DNAH12: variants seen among roughly 807,000 people sequenced by gnomAD.
DNAH12 encodes the protein axonemal beta dynein heavy chain 12.
A neutral mutation model predicts 371.5 loss-of-function variants in DNAH12; 285 were observed. The observed-to-expected ratio is 0.77, with a 90% CI of 0.70 to 0.85. The LOEUF is 0.85. Ranked by LOEUF, DNAH12 falls within the 40% of genes least tolerant of loss-of-function variation. The pLI is 0.00. For synonymous variants in DNAH12, 1,200 were observed against 1,213.0 expected, an observed-to-expected ratio of 0.99 and a Z score of 0.22; for missense variants, 3,611 against 3,689.4, an observed-to-expected ratio of 0.98 and a Z score of 0.55.
At chr3:57,314,356 G>T in intron 66 of DNAH12, 138 bp downstream of exon 66, 1 of 1,076,648 alleles carries the variant, frequency 9.3e-7, no homozygotes, top group Non-Finnish European at 1.3e-6. Flanking sequence ...TGGAGATAGT[G>T]CTTCATAAGC....
At chr3:57,387,759 C>G (rs1009620146) in intron 45 of DNAH12, among the ~76,000 whole-genome samples, 1 of 152,148 alleles carries the variant, frequency 6.6e-6, no homozygotes, top group Non-Finnish European at 1.5e-5. Flanking sequence ...TTTTGGCCTA[C>G]TTTCATTCTT....
chr3:57,322,357 G>T lies in DNAH12; in HGVS notation c.10510C>A (p.Arg3504Ser). 6.4e-7 allele frequency: 1 copy of T among 1,550,562 alleles called. No homozygotes were observed. The highest frequency in any genetic ancestry group is 2.0e-5 in the Admixed American group (1 of 50,906). The change falls in exon 65 of 74, where the codon CGT (arginine) becomes AGT (serine). Residue 3504 changes from arginine (R) to serine (S), a missense_variant. Physicochemically the swap from Arg to Ser is moderately radical, Grantham distance 110. Coordinates refer to ENST00000495027, the MANE Select transcript of DNAH12 (RefSeq NM_001366028.2). ...ATGAATATTACCAGTTCCTTTCCAC[G>T]GCATCCCTTGAAAAACTCAGGATCA... ...VSDPEFFKGC[R>S]GKELAWEKLL...
chr3:57,403,003 C>T (rs2063916504), intron 43 of DNAH12, among the ~76,000 whole-genome samples: 1 of 152,070 alleles, frequency 6.6e-6, no homozygotes, highest in Non-Finnish European at 1.5e-5. Flanking sequence ...GTGGATAAGA[C>T]TTGAGTTAGA....
chr3:57,472,587 A>T lies in DNAH12; in HGVS notation c.1735T>A (p.Trp579Arg). Residue 579 changes from tryptophan to arginine, a missense_variant, in exon 14 of 74, where the codon TGG (tryptophan) becomes AGG (arginine). By Grantham distance (101) the Trp-to-Arg change is moderately radical (BLOSUM62 -3). This residue lies in a region of DNAH12 where 1,314 missense variants were observed against 1,398.7 expected (regional missense o/e 0.94). Coordinates refer to ENST00000495027, the MANE Select transcript of DNAH12 (RefSeq NM_001366028.2). The part of the protein sequence containing the change: ...DLALNATVLM[W>R]PRKINPIFDE... ...AAGATGGGATTAATTTTCCTAGGCC[A>T]CATGAGGACAGTTGCATTTAAAGCT... 1 of 1,550,894 alleles carries T rather than the reference A, an allele frequency of 6.4e-7. No individual in the cohort carries two copies. The highest frequency in any genetic ancestry group is 8.7e-7 in the Non-Finnish European group (1 of 1,146,728).
intron 32 of DNAH12, 91 bp downstream of exon 32, chr3:57,433,276 C>T: frequency 7.4e-7 from 1 of 1,349,342 alleles, no homozygotes; most frequent in Middle Eastern, 2.1e-4. Context: ...TTTTTGCATC[C>T]TTTATTTTAA....
chr3:57,411,574 A>C (rs1489370379), intron 39 of DNAH12, among the ~76,000 whole-genome samples: 1 of 149,988 alleles, frequency 6.7e-6, no homozygotes, highest in Non-Finnish European at 1.5e-5. Context: ...GAAAAGTACA[A>C]CACCATTTAC....
chr3:57,553,743 C>A, the DNAH12 span, among the ~76,000 whole-genome samples: 2,013 of 152,134 alleles, frequency 0.013, 48 homozygotes, highest in African/African-American at 0.046. Context: ...AGTTTTATGA[C>A]TTTAAAACAT....
At chr3:57,550,695 G>A in the DNAH12 span, among the ~76,000 whole-genome samples, 1 of 149,840 alleles carries the variant, frequency 6.7e-6, no homozygotes, top group African/African-American at 2.5e-5. Flanking sequence ...TTTTTTTTCT[G>A]TATTTTTAAT....
chr3:57,536,431 C>A (rs1189481565), intron 2 of DNAH12: 1 of 152,206 alleles, frequency 6.6e-6, no homozygotes. Context: ...TTTTCTCTCC[C>A]ATTTCCTAGA....
At chr3:57,522,935 T>C (rs1335476677) in intron 4 of DNAH12, among the ~76,000 whole-genome samples, 2 of 152,058 alleles carry the variant, frequency 1.3e-5, no homozygotes, top group African/African-American at 4.8e-5. Flanking sequence ...ATTATATCAA[T>C]ATTAGAATAC....
At position 57,375,961 on chromosome 3, in the gene DNAH12, C is replaced by G. The variant is rs1388463110; in HGVS notation, c.8470G>C (p.Ala2824Pro). The change falls in exon 54 of 74, where the codon GCC (alanine) becomes CCC (proline). Residue 2824 changes from alanine (A) to proline (P), a missense_variant. Physicochemically the swap from Ala to Pro is conservative, Grantham distance 27. This residue lies in a region of DNAH12 where 2,266 missense variants were observed against 2,236.9 expected (regional missense o/e 1.01). Transcript: ENST00000495027. ...GGLGGEKSRW[A>P]QAADDLQITY... ...ATCTGAAGGTCATCTGCAGCTTGGG[C>G]CCATCTGTGCCATCAACCAAAGGCA... is the stretch of plus-strand genomic sequence containing the variant. 1.3e-5 allele frequency: 2 copies of G among 151,978 alleles called. No individual in the cohort carries two copies. Among genetic ancestry groups the G allele is most frequent in the East Asian group, 3.8e-4 (2 of 5,200 alleles). 9.4% of individuals were successfully genotyped at this position (151,978 alleles called of 1,614,324 possible).
chr3:57,406,815 T>A (rs2153353732), intron 40 of DNAH12, among the ~76,000 whole-genome samples: 1 of 152,354 alleles, frequency 6.6e-6, no homozygotes, highest in South Asian at 2.1e-4. Flanking sequence ...TACTATGTAC[T>A]GAATTCACCA....
In DNAH12 at chr3:57,352,232, T is replaced by A. The variant is rs1553660690; in HGVS notation, c.9534-7A>T. On this transcript the variant is annotated splice_region_variant and splice_polypyrimidine_tract_variant and intron_variant, in intron 59 of 73. Coordinates refer to ENST00000495027, the MANE Select transcript of DNAH12 (RefSeq NM_001366028.2). ...CAAAATCTTGGATTTGTTACTAAAG[T>A]TAAAAAGAAGGAAAACGTATTGTCA... The A allele has an allele frequency of 1.3e-6, 2 of 1,529,290 alleles. No homozygotes were observed. Among genetic ancestry groups the A allele is most frequent in the African/African-American group, 2.8e-5 (2 of 71,522 alleles). The allele number at this position is 1,529,290 out of a possible 1,614,324, so 94.7% of individuals were successfully genotyped here. A position where few individuals can be genotyped will look rare whatever the true frequency, so the allele number is the denominator to read the frequency against.
chr3:57,505,647 G>T (rs1391177911), intron 8 of DNAH12, among the ~76,000 whole-genome samples: 2 of 151,922 alleles, frequency 1.3e-5, no homozygotes, highest in Non-Finnish European at 2.9e-5. Context: ...CACCATGTTG[G>T]CCAGGCTGGT....
chr3:57,352,760 G>A (rs2062709593), intron 59 of DNAH12, among the ~76,000 whole-genome samples: 1 of 152,038 alleles, frequency 6.6e-6, no homozygotes, highest in South Asian at 2.1e-4. Flanking sequence ...CCCCAAAGAA[G>A]CATAAAGTCT....
chr3:57,402,310 C>CTTT (rs11429401), intron 43 of DNAH12: 68 of 934,346 alleles, frequency 7.3e-5, no homozygotes, highest in South Asian at 6.8e-4. Flanking sequence ...CAATTTCTCC[C>CTTT]TTTTTTTTTT....
intron 11 of DNAH12, among the ~76,000 whole-genome samples, chr3:57,499,997 G>A (rs2067477469): frequency 6.6e-6 from 1 of 151,266 alleles, no homozygotes; most frequent in Non-Finnish European, 1.5e-5. Flanking sequence ...GAGGAGGTAG[G>A]AATCTTTTTT....
rs370080070 is a variant in DNAH12 at position 57,307,044 on chromosome 3, A to C, written c.11189+2107T>G. On this transcript the variant is annotated intron_variant, in intron 69 of 73. Coordinates refer to ENST00000495027, the MANE Select transcript of DNAH12 (RefSeq NM_001366028.2). ...AGCAAACTACCTGGGCTGTACTGCC[A>C]CAAGGCTTCAGACAGCCCCCATTTC... is the stretch of plus-strand genomic sequence containing the variant. Among the ~76,000 whole-genome samples, 8 of 152,292 alleles carry C rather than the reference A, an allele frequency of 5.3e-5. No homozygotes were observed. The South Asian group carries it at 1.5e-3, about 28-fold the overall frequency.
At position 57,405,784 on chromosome 3, in the gene DNAH12, C is replaced by T. The variant is rs1553680968; in HGVS notation, c.6445G>A (p.Val2149Met). 1 of 1,551,676 alleles carries T rather than the reference C, an allele frequency of 6.4e-7. No individual in the cohort carries two copies. Among genetic ancestry groups the T allele is most frequent in the African/African-American group, 1.4e-5 (1 of 73,162 alleles). Residue 2149 changes from valine to methionine, a missense_variant, in exon 41 of 74, where the codon GTG becomes ATG. By Grantham distance (21) the Val-to-Met change is conservative. Around this residue, in one of 3 missense-constraint regions of DNAH12, gnomAD observed 2,266 missense variants for 2,236.9 expected, o/e 1.01. Transcript: ENST00000495027. The stretch of plus-strand genomic sequence containing the variant: ...TCATTAATGAGGCGATCATAAAACA[C>T]TCGGAGAACCTCATGCACAAACAGA... ...IRLFVHEVLR[V>M]FYDRLINDDD...
Sources: gnomAD v4.1 joint callset for allele counts (sites outside exome capture counted in the v4.1 genomes callset) on GRCh38, gnomAD v4.1.1 for gene constraint, gnomAD v4.1.1 regional missense constraint, MANE v1.5 for transcripts, NCBI Gene and HGNC (gene_info 2026-07-23, HGNC 2026-07-21) for gene names.